The following EPB41L2 variants were observed in gnomAD, a reference collection of about 807,000 sequenced individuals.
EPB41L2 encodes band 4.1-like protein 2.
Under a neutral mutation model 113.0 loss-of-function variants are expected in EPB41L2, and 43 were observed. That is an observed-to-expected ratio of 0.38 (90% CI 0.30 to 0.49). The LOEUF (loss-of-function observed/expected upper bound fraction) is 0.49, where lower values mean the gene tolerates loss of function less well. Among genes scored for constraint, EPB41L2 ranks in the 20% least tolerant of loss-of-function variants. The pLI is 0.95. For synonymous variants in EPB41L2, 442 were observed against 436.7 expected (o/e 1.01, Z -0.15); for missense variants, 1,147 against 1,223.4 (o/e 0.94, Z 0.93).
intron 1 of EPB41L2, among the ~76,000 whole-genome samples, chr6:131,049,080 C>A (rs35089988): frequency 0.028 from 4,333 of 152,340 alleles, 81 homozygotes; most frequent in South Asian, 0.092. Context: ...GGAGCCACAT[C>A]TGCACCACAT....
In EPB41L2 at chr6:130,857,995, GGAT is replaced by G. The variant is rs368738432; in HGVS notation, c.*5+133_*5+135del. ...TATACACCCGAGCAGATGCACCTGGGGATGATAACAGTCTAGAAAGTCAAATGT... is the reference window on the plus strand; with the variant it reads ...TATACACCCGAGCAGATGCACCTGGGGATAACAGTCTAGAAAGTCAAATGT... On this transcript the variant is annotated intron_variant, in intron 19 of 19. Coordinates refer to ENST00000337057, the MANE Select transcript of EPB41L2 (RefSeq NM_001431.4). The G allele has an allele frequency of 2.6e-4, 180 of 702,338 alleles. 1 individual carries two copies. The East Asian group carries it at 4.7e-3, about 19-fold the overall frequency. The allele number at this position is 702,338 out of a possible 1,614,324, so 43.5% of individuals were successfully genotyped here.
At chr6:131,029,395 A>ATT (rs1562765033) in intron 1 of EPB41L2, among the ~76,000 whole-genome samples, 2 of 149,782 alleles carry the variant, frequency 1.3e-5, no homozygotes, top group African/African-American at 2.4e-5. Context: ...TTTGTTTAAA[A>ATT]AAAAAAAAAA....
At chr6:130,988,762 A>G (rs931446970) in intron 1 of EPB41L2, among the ~76,000 whole-genome samples, 2 of 152,198 alleles carry the variant, frequency 1.3e-5, no homozygotes, top group African/African-American at 4.8e-5. Context: ...ACTAGCTACA[A>G]ATCAGCTCAA....
intron 17 of EPB41L2, 93 bp downstream of exon 17, chr6:130,865,443 C>T (rs1451116286): frequency 4.0e-6 from 5 of 1,256,058 alleles, no homozygotes; most frequent in Admixed American, 2.0e-5. Flanking sequence ...CTGTATCTTA[C>T]TTGGAAGTGT....
At chr6:131,040,468 T>C (rs1276336517) in intron 1 of EPB41L2, among the ~76,000 whole-genome samples, 1 of 152,178 alleles carries the variant, frequency 6.6e-6, no homozygotes, top group Non-Finnish European at 1.5e-5. Context: ...TGGTTAATTT[T>C]AGGTATGTGT....
intron 19 of EPB41L2, among the ~76,000 whole-genome samples, chr6:130,848,956 C>G (rs956822061): frequency 3.3e-5 from 5 of 152,214 alleles, no homozygotes; most frequent in African/African-American, 1.2e-4. Context: ...CGAAGATGCT[C>G]TACAGGCAGT....
intron 1 of EPB41L2, among the ~76,000 whole-genome samples, chr6:131,012,287 T>C (rs1027976303): frequency 6.6e-6 from 1 of 151,216 alleles, no homozygotes; most frequent in African/African-American, 2.4e-5. Context: ...TCTAACGGAT[T>C]AGATTTAGCC....
chr6:130,924,364 G>A (rs1032719757), intron 4 of EPB41L2, among the ~76,000 whole-genome samples: 5 of 150,470 alleles, frequency 3.3e-5, no homozygotes, highest in Non-Finnish European at 7.4e-5. Context: ...TCAGAAGTGG[G>A]ACTGCTAGAT....
chr6:130,961,300 T>C (rs775883947), intron 1 of EPB41L2, among the ~76,000 whole-genome samples: 16 of 152,204 alleles, frequency 1.1e-4, no homozygotes, highest in Non-Finnish European at 1.2e-4. Context: ...GCATGCTCCA[T>C]CTGGGTTGAT....
intron 1 of EPB41L2, among the ~76,000 whole-genome samples, chr6:130,981,326 G>A (rs1779336064): frequency 6.6e-6 from 1 of 152,064 alleles, no homozygotes; most frequent in African/African-American, 2.4e-5. Context: ...GGGGAGGGGT[G>A]TTTTGTTTTC....
chr6:130,901,350 T>C (rs983910091), intron 6 of EPB41L2, among the ~76,000 whole-genome samples, 170 bp from the exon 7 acceptor site: 3 of 152,184 alleles, frequency 2.0e-5, no homozygotes, highest in African/African-American at 7.2e-5. Flanking sequence ...ACTTGCTCCT[T>C]GGGCTTCTAA....
intron 1 of EPB41L2, among the ~76,000 whole-genome samples, chr6:131,038,498 G>C (rs1793797148): frequency 6.6e-6 from 1 of 151,916 alleles, no homozygotes; most frequent in South Asian, 2.1e-4. Flanking sequence ...TTTAAATGCT[G>C]GTTCTTTAAA....
chr6:130,897,375 T>G (rs1316752543), intron 8 of EPB41L2, among the ~76,000 whole-genome samples: 2 of 152,190 alleles, frequency 1.3e-5, no homozygotes, highest in Admixed American at 1.3e-4. Flanking sequence ...AAGGAGTCTA[T>G]CGGATGATAA....
chr6:131,028,452 T>C (rs1450153677), intron 1 of EPB41L2, among the ~76,000 whole-genome samples: 4 of 152,206 alleles, frequency 2.6e-5, no homozygotes, highest in Non-Finnish European at 5.9e-5. Context: ...CTAGACTATA[T>C]GAAAAGTTGA....
At chr6:131,027,342 T>A (rs1040922249) in intron 1 of EPB41L2, among the ~76,000 whole-genome samples, 1 of 152,162 alleles carries the variant, frequency 6.6e-6, no homozygotes, top group African/African-American at 2.4e-5. Flanking sequence ...TAGACTCACA[T>A]CTAAATGTGC....
At chr6:130,871,358 G>C (rs1277802810) in intron 14 of EPB41L2, among the ~76,000 whole-genome samples, 2 of 152,078 alleles carry the variant, frequency 1.3e-5, no homozygotes, top group Non-Finnish European at 2.9e-5. Flanking sequence ...AAATAATTCA[G>C]CTAGAGCCAG....
At chr6:130,915,748 T>C (rs960895746) in intron 4 of EPB41L2, among the ~76,000 whole-genome samples, 4 of 152,196 alleles carry the variant, frequency 2.6e-5, no homozygotes, top group African/African-American at 9.7e-5. Context: ...ATCTTCATGC[T>C]GTCTCATGAT....
intron 17 of EPB41L2, among the ~76,000 whole-genome samples, chr6:130,865,278 T>G (rs1219780958): frequency 6.6e-6 from 1 of 152,248 alleles, no homozygotes; most frequent in Non-Finnish European, 1.5e-5. Flanking sequence ...ATTAAATTAT[T>G]TATGGTTTTG....
chr6:130,966,070 A>G (rs1235481991), intron 1 of EPB41L2, among the ~76,000 whole-genome samples: 1 of 152,176 alleles, frequency 6.6e-6, no homozygotes, highest in Non-Finnish European at 1.5e-5. Context: ...ATGATCTAAG[A>G]AAGTTTACAA....
Sources: gnomAD v4.1 joint callset for allele counts (sites outside exome capture counted in the v4.1 genomes callset) on GRCh38, gnomAD v4.1.1 for gene constraint, MANE v1.5 for transcripts, NCBI Gene and HGNC (gene_info 2026-07-23, HGNC 2026-07-21) for gene names.